The following CLCN7 variants were observed in gnomAD, a reference collection of about 807,000 sequenced individuals.
CLCN7 encodes H(+)/Cl(-) exchange transporter 7.
In CLCN7, 60 loss-of-function variants were observed where a neutral mutation model predicts 102.1. The observed-to-expected ratio is 0.59, with a 90% CI of 0.48 to 0.73. The LOEUF is 0.73. Among genes scored for constraint, CLCN7 ranks in the 30% least tolerant of loss-of-function variants. The pLI, the probability that CLCN7 is intolerant of heterozygous loss-of-function variation, is 0.00. For missense variants in CLCN7, 962 were observed against 1,125.7 expected, an observed-to-expected ratio of 0.85 and a Z score of 2.08; for synonymous variants, 560 against 490.5, an observed-to-expected ratio of 1.14 and a Z score of -1.87.
chr16:1,462,940 T>G (rs2142392425), intron 2 of CLCN7, among the ~76,000 whole-genome samples: 1 of 152,082 alleles, frequency 6.6e-6, no homozygotes, highest in South Asian at 2.1e-4. Flanking sequence ...GCAGAAGGAC[T>G]GCTTGAGGCC....
chr16:1,453,671 C>G (rs1427155115), intron 14 of CLCN7, among the ~76,000 whole-genome samples, 163 bp downstream of exon 14: 2 of 152,254 alleles, frequency 1.3e-5, no homozygotes, highest in Non-Finnish European at 2.9e-5. Flanking sequence ...CGGGACACAT[C>G]TCTGACCAGC....
chr16:1,454,074 G>A (rs1228452678), intron 13 of CLCN7, among the ~76,000 whole-genome samples, 180 bp from the exon 14 acceptor site: 1 of 152,238 alleles, frequency 6.6e-6, no homozygotes, highest in Non-Finnish European at 1.5e-5. Flanking sequence ...TGGGGGAGCT[G>A]TTTCTCAAAG....
intron 4 of CLCN7, 80 bp downstream of exon 4, chr16:1,461,325 C>G (rs2038932242): frequency 1.6e-6 from 2 of 1,274,440 alleles, no homozygotes; most frequent in African/African-American, 1.5e-5. Flanking sequence ...TCACCTCACC[C>G]CGGCAGAAGA....
chr16:1,460,442 G>A lies in CLCN7; in HGVS notation c.570C>T (p.Gly190=), dbSNP rs753827871. 1 of 1,613,594 alleles carries A rather than the reference G, an allele frequency of 6.2e-7. No homozygotes were observed. Among genetic ancestry groups the A allele is most frequent in the Non-Finnish European group, 8.5e-7 (1 of 1,179,774 alleles). ...CCTCTATGAAAGCCACAATCACAGA[G>A]CCCACGAGCACGAAGGCGGCGTTCA... ...ATLNAAFVLV[G]SVIVAFIEPV... The change falls in exon 6 of 25, where the codon GGC becomes GGT. Residue 190 remains glycine, a synonymous_variant. Coordinates refer to ENST00000382745, the MANE Select transcript of CLCN7 (RefSeq NM_001287.6).
At chr16:1,451,866 A>G in intron 15 of CLCN7, 150 bp from the exon 16 acceptor site, 1 of 675,176 alleles carries the variant, frequency 1.5e-6, no homozygotes, top group Non-Finnish European at 2.7e-6. Context: ...GGTCAGGGCC[A>G]CGGTCACAGA....
At position 1,454,285 on chromosome 16, in the gene CLCN7, C is replaced by A. The variant is rs563627032; in HGVS notation, c.1153+126G>T. 1.7e-5 allele frequency: 16 copies of A among 927,422 alleles called. No individual in the cohort carries two copies. In the East Asian group the frequency reaches 4.1e-4, roughly 24 times the overall value. 57.4% of individuals were successfully genotyped at this position (927,422 alleles called of 1,614,324 possible). Reference sequence around the variant, plus strand: ...ACTGCCCATGGAAGAATCTGGAGGCCCCCGGGTGGCCCTGGGATGAGGGCA... The same window carrying A: ...ACTGCCCATGGAAGAATCTGGAGGCACCCGGGTGGCCCTGGGATGAGGGCA... On this transcript the variant is annotated intron_variant, in intron 13 of 24. Coordinates refer to ENST00000382745, the MANE Select transcript of CLCN7 (RefSeq NM_001287.6).
rs1462526972 is a variant in CLCN7, at chr16:1,461,462, G to A, written c.294C>T (p.Asp98=). Residue 98 remains aspartate (D), a synonymous_variant, in exon 4 of 25, where the codon GAC becomes GAT. Coordinates refer to ENST00000382745, the MANE Select transcript of CLCN7 (RefSeq NM_001287.6). ...KLLSLKYESL[D]YDNSENQLFL... is the part of the protein sequence containing the mutation. Reference sequence around the variant, plus strand: ...ACAGCTGGTTCTCACTGTTGTCATAGTCCAAGCTCTGCAGGCCGGGACAGC... The same window carrying A: ...ACAGCTGGTTCTCACTGTTGTCATAATCCAAGCTCTGCAGGCCGGGACAGC... 6.4e-7 allele frequency: 1 copy of A among 1,572,064 alleles called. No individual in the cohort carries two copies.
At chr16:1,448,142 A>G (rs2038682679) in intron 21 of CLCN7, 5 of 678,588 alleles carry the variant, frequency 7.4e-6, no homozygotes, top group Non-Finnish European at 1.2e-5. Context: ...CCTGGGTGCC[A>G]ACCCCAAGAC....
intron 1 of CLCN7, 30 bp from the exon 2 acceptor site, chr16:1,465,368 C>T (rs1156613048): frequency 6.9e-6 from 11 of 1,597,562 alleles, no homozygotes; most frequent in Middle Eastern, 1.8e-4. Flanking sequence ...CATGAGGGCG[C>T]TCAGGCGTCG....
chr16:1,447,656 T>C lies in CLCN7; in HGVS notation c.2072A>G (p.Lys691Arg). The C allele has an allele frequency of 6.4e-7, 1 of 1,556,514 alleles. No individual in the cohort carries two copies. The highest frequency in any genetic ancestry group is 8.7e-7 in the Non-Finnish European group (1 of 1,150,456). Residue 691 changes from lysine (K) to arginine (R), a missense_variant and splice_region_variant, in exon 22 of 25, where the codon AAG becomes AGG. Physicochemically the swap from Lys to Arg is conservative, Grantham distance 26 (BLOSUM62 2). Coordinates refer to ENST00000382745, the MANE Select transcript of CLCN7 (RefSeq NM_001287.6). ...AATGGCCCGGAGCCTGGCACGCACC[T>C]TGTGCTTTAGGAGAACGATGAGCTG... Reference protein sequence around the residue: ...RSQLIVLLKHKVFVERSNLGL... With the variant: ...RSQLIVLLKHRVFVERSNLGL...
At chr16:1,460,587 AG>A in intron 5 of CLCN7, 60 bp from the exon 6 acceptor site, 1 of 1,417,962 alleles carries the variant, frequency 7.1e-7, no homozygotes, top group Non-Finnish European at 9.9e-7. Flanking sequence ...CCCAGACCTC[AG>A]CCCTGCCCCA....
At chr16:1,462,497 T>A (rs1290947662) in intron 2 of CLCN7, among the ~76,000 whole-genome samples, 5 of 145,432 alleles carry the variant, frequency 3.4e-5, no homozygotes, top group African/African-American at 1.3e-4. Context: ...TGCCTCAGCC[T>A]CCCAAGTAGC....
At chr16:1,458,811 C>T (rs996875467) in intron 7 of CLCN7, among the ~76,000 whole-genome samples, 2 of 152,268 alleles carry the variant, frequency 1.3e-5, no homozygotes, top group African/African-American at 2.4e-5. Context: ...AATCAGTCAC[C>T]ACCACGCAGC....
At position 1,450,620 on chromosome 16, in the gene CLCN7, G is replaced by A. The variant is rs778615017; in HGVS notation, c.1494C>T (p.Phe498=). 1 of 1,612,752 alleles carries A rather than the reference G, an allele frequency of 6.2e-7. No individual in the cohort carries two copies. The highest frequency in any genetic ancestry group is 8.5e-7 in the Non-Finnish European group (1 of 1,179,798). The change falls in exon 17 of 25, where the codon TTC becomes TTT. Residue 498 remains phenylalanine (F), a synonymous_variant. Coordinates refer to ENST00000382745, the MANE Select transcript of CLCN7 (RefSeq NM_001287.6). ...GCCCGTAGGTCCAGCAGGCCAGGAAGAAGTAGACCAGCGTGAACAGGCCGA... is the reference window on the plus strand; with the variant it reads ...GCCCGTAGGTCCAGCAGGCCAGGAAAAAGTAGACCAGCGTGAACAGGCCGA... ...LTLGLFTLVY[F]FLACWTYGLT...
chr16:1,447,593 A>AGGCACCCAGGC, intron 22 of CLCN7, 25 bp from the exon 23 acceptor site: 1 of 1,552,288 alleles, frequency 6.4e-7, no homozygotes, highest in Non-Finnish European at 8.7e-7. Context: ...GCCCTGTGTC[A>AGGCACCCAGGC]GGCACCCAGG....
At chr16:1,464,238 T>G (rs1202015051) in intron 2 of CLCN7, among the ~76,000 whole-genome samples, 1 of 152,128 alleles carries the variant, frequency 6.6e-6, no homozygotes, top group Non-Finnish European at 1.5e-5. Context: ...AAACCCAGTT[T>G]AAAAATGAGC....
rs1336003243 is a variant in CLCN7 at position 1,446,015 on chromosome 16, G to A, written c.*616C>T. 5 of 533,230 alleles carry A rather than the reference G, an allele frequency of 9.4e-6. No homozygotes were observed. In the Admixed American group the frequency reaches 1.1e-4, roughly 11 times the overall value. The allele number at this position is 533,230 out of a possible 1,614,324, so 33.0% of individuals were successfully genotyped here. Reference sequence around the variant, plus strand: ...CAGTCCTCTGGGCCTGTGTACCCAAGCCGGATGCAGGCCGGGGAGTGCACG... The same window carrying A: ...CAGTCCTCTGGGCCTGTGTACCCAAACCGGATGCAGGCCGGGGAGTGCACG... On this transcript the variant is annotated 3_prime_UTR_variant, in exon 25 of 25. Coordinates refer to ENST00000382745, the MANE Select transcript of CLCN7 (RefSeq NM_001287.6).
Position 1,445,474 on chromosome 16 carries a change from G to A in CLCN7, c.*1157C>T, listed in dbSNP as rs9921. On this transcript the variant is annotated 3_prime_UTR_variant, in exon 25 of 25. Coordinates refer to ENST00000382745, the MANE Select transcript of CLCN7 (RefSeq NM_001287.6). ...CCCTGGGGAGGAAATACACGGCAGG[G>A]GGCCGCACCCAGCCCCCCACGGAGG... is the stretch of plus-strand genomic sequence containing the variant. 0.064 allele frequency: 9,702 copies of A among 151,560 alleles called. 447 individuals carry two copies. Among genetic ancestry groups the A allele is most frequent in the African/African-American group, 0.13 (5,145 of 40,810 alleles). The allele number at this position is 151,560 out of a possible 1,614,324, so 9.4% of individuals were successfully genotyped here.
At chr16:1,450,334 AACGCCC>A (rs1360527945) in intron 17 of CLCN7, 157 bp downstream of exon 17, 158 of 727,008 alleles carry the variant, frequency 2.2e-4, no homozygotes, top group Non-Finnish European at 5.4e-5. Context: ...ACAGCAGGAC[AACGCCC>A]ACGGCCCGTG....
Sources: gnomAD v4.1 joint callset for allele counts (sites outside exome capture counted in the v4.1 genomes callset) on GRCh38, gnomAD v4.1.1 for gene constraint, MANE v1.5 for transcripts, NCBI Gene and HGNC (gene_info 2026-07-23, HGNC 2026-07-21) for gene names.